Variants in HIP1 observed in about 807,000 individuals in gnomAD.
HIP1 encodes huntingtin interacting protein 1.
Under a neutral mutation model 147.6 loss-of-function variants are expected in HIP1, and 65 were observed. The ratio of observed to expected loss-of-function variants is 0.44; its 90% CI spans 0.36 to 0.54. HIP1 has a LOEUF of 0.54. HIP1 is among the 20% of genes least tolerant of loss of function. The probability of loss-of-function intolerance (pLI) is 0.00; values close to 1 mark genes in which losing one functional copy is unlikely to be tolerated. For missense variants in HIP1, 1,061 were observed against 1,299.6 expected (o/e 0.82, Z 2.82); for synonymous variants, 479 against 504.0 (o/e 0.95, Z 0.67).
At chr7:75,684,816 G>C (rs1449786471) in intron 1 of HIP1, among the ~76,000 whole-genome samples, 1 of 152,156 alleles carries the variant, frequency 6.6e-6, no homozygotes, top group Non-Finnish European at 1.5e-5. Context: ...TTTTGGCCAG[G>C]CATGGTGGCT....
At position 75,690,863 on chromosome 7, in the gene HIP1, C is replaced by CA. The variant is rs797038591; in HGVS notation, c.120+47937dup. On this transcript the variant is annotated intron_variant, in intron 1 of 30. Coordinates refer to ENST00000336926, the MANE Select transcript of HIP1 (RefSeq NM_005338.7). ...GGGCGACAAGAGTGAAACTCCATCT[C>CA]AAAAAAAAAAGTTAAACGTAGAATT... Among the ~76,000 whole-genome samples the CA allele has an allele frequency of 8.1e-3, 1,200 of 148,406 alleles. 17 individuals carry two copies. The highest frequency in any genetic ancestry group is 0.028 in the African/African-American group (1,132 of 40,494).
intron 1 of HIP1, among the ~76,000 whole-genome samples, chr7:75,606,356 G>A (rs1337616486): frequency 6.6e-6 from 1 of 152,126 alleles, no homozygotes; most frequent in African/African-American, 2.4e-5. Context: ...GAGGGGGGCA[G>A]ATCACCTGAG....
At chr7:75,634,634 C>T (rs895259562) in intron 1 of HIP1, among the ~76,000 whole-genome samples, 12 of 152,054 alleles carry the variant, frequency 7.9e-5, no homozygotes, top group African/African-American at 2.4e-4. Flanking sequence ...TGTGAAAATG[C>T]TTTTATATAG....
At chr7:75,679,283 C>A (rs946768271) in intron 1 of HIP1, among the ~76,000 whole-genome samples, 16 of 152,218 alleles carry the variant, frequency 1.1e-4, no homozygotes, top group Admixed American at 9.2e-4. Context: ...CAGCTCACTG[C>A]AGCCTTGACC....
At chr7:75,574,509 A>T (rs1795767396) in intron 7 of HIP1, among the ~76,000 whole-genome samples, 1 of 151,664 alleles carries the variant, frequency 6.6e-6, no homozygotes, top group South Asian at 2.1e-4. Context: ...GAATCACTTG[A>T]ACCCAGGAGG....
chr7:75,551,034 A>T (rs1794762939), intron 22 of HIP1, among the ~76,000 whole-genome samples: 1 of 152,174 alleles, frequency 6.6e-6, no homozygotes, highest in African/African-American at 2.4e-5. Flanking sequence ...ATGAGAGAGC[A>T]GTGAAAATGA....
rs1794004494 is a variant in HIP1, at chr7:75,534,383, T to C, written c.*3789A>G. On this transcript the variant is annotated 3_prime_UTR_variant, in exon 31 of 31. Coordinates refer to ENST00000336926, the MANE Select transcript of HIP1 (RefSeq NM_005338.7). ...GTCTCATTTAAACTCCTTGCTCAGA[T>C]ATAAAATAACCCTGCCAAGATGGCT... The C allele has an allele frequency of 4.9e-6, 1 of 203,540 alleles. No individual in the cohort carries two copies. Among genetic ancestry groups the C allele is most frequent in the East Asian group, 7.5e-5 (1 of 13,394 alleles). 12.6% of individuals were successfully genotyped at this position (203,540 alleles called of 1,614,324 possible). A position where few individuals can be genotyped will look rare whatever the true frequency, so the allele number is the denominator to read the frequency against.
At chr7:75,604,112 C>T (rs1406381466) in intron 1 of HIP1, among the ~76,000 whole-genome samples, 7 of 152,062 alleles carry the variant, frequency 4.6e-5, no homozygotes, top group African/African-American at 7.2e-5. Flanking sequence ...GCACCATAGG[C>T]CAGGGGCACC....
At chr7:75,617,783 G>A (rs1554506377) in intron 1 of HIP1, among the ~76,000 whole-genome samples, 2 of 152,178 alleles carry the variant, frequency 1.3e-5, no homozygotes, top group African/African-American at 2.4e-5. Context: ...TGCTCCTGTC[G>A]TCATGGAGGA....
intron 2 of HIP1, among the ~76,000 whole-genome samples, chr7:75,597,982 A>G (rs1168368371): frequency 6.6e-6 from 1 of 151,980 alleles, no homozygotes; most frequent in Non-Finnish European, 1.5e-5. Context: ...TGGTGGGCTT[A>G]CAGAGGGCTT....
rs71098061 is a variant in HIP1, at chr7:75,678,360, T to TTTTTC, written c.120+60440_120+60441insGAAAA. 1.1e-4 allele frequency among the ~76,000 whole-genome samples: 14 copies of TTTTTC among 127,594 alleles called. 1 individual carries two copies. Among genetic ancestry groups the TTTTTC allele is most frequent in the Non-Finnish European group, 1.6e-4 (10 of 62,314 alleles). The allele number at this position is 127,594 out of a possible 152,430, so 83.7% of individuals were successfully genotyped here. A position where few individuals can be genotyped will look rare whatever the true frequency, so the allele number is the denominator to read the frequency against. On this transcript the variant is annotated intron_variant, in intron 1 of 30. Coordinates refer to ENST00000336926, the MANE Select transcript of HIP1 (RefSeq NM_005338.7). ...TTATTCTTTTTTTTTTTTTTTTTTTTTGAGACAGCATCTCACTCTGTCACC... is the reference window on the plus strand; with the variant it reads ...TTATTCTTTTTTTTTTTTTTTTTTTTTTTTCTGAGACAGCATCTCACTCTGTCACC...
intron 2 of HIP1, among the ~76,000 whole-genome samples, chr7:75,594,926 C>A (rs587594636): frequency 1.1e-4 from 17 of 152,320 alleles, no homozygotes; most frequent in African/African-American, 3.1e-4. Flanking sequence ...TAACTGGGCA[C>A]TGTCAGTTGT....
At chr7:75,556,962 G>A (rs1424298630) in intron 16 of HIP1, 151 bp from the exon 17 acceptor site, 8 of 527,632 alleles carry the variant, frequency 1.5e-5, no homozygotes, top group Non-Finnish European at 2.4e-5. Context: ...GGTGTGGGAG[G>A]AGGAGGCAAG....
intron 18 of HIP1, 48 bp downstream of exon 18, chr7:75,555,978 T>C (rs1433151187): frequency 1.2e-6 from 2 of 1,605,466 alleles, no homozygotes; most frequent in African/African-American, 2.7e-5. Flanking sequence ...GCAGAGGCCC[T>C]CGGTGGGAAT....
intron 1 of HIP1, among the ~76,000 whole-genome samples, chr7:75,642,163 C>G (rs1798671306): frequency 6.6e-6 from 1 of 152,130 alleles, no homozygotes; most frequent in African/African-American, 2.4e-5. Context: ...CTTTGGGAGG[C>G]TGAGGTGGGA....
rs1554494172 is a variant in HIP1 at position 75,559,774 on chromosome 7, C to G, written c.1333G>C (p.Glu445Gln). Reference sequence around the variant, plus strand: ...CTCCGCTGAGCCTTCTCGGTGTCCTCCCGCTGCCTCCTGAGCTCGTCCAGT... The same window carrying G: ...CTCCGCTGAGCCTTCTCGGTGTCCTGCCGCTGCCTCCTGAGCTCGTCCAGT... The part of the protein sequence containing the change: ...AELDELRRQR[E>Q]DTEKAQRSLS... The change falls in exon 14 of 31, where the codon GAG (glutamate) becomes CAG (glutamine). Residue 445 changes from glutamate (E) to glutamine (Q), a missense_variant. Coordinates refer to ENST00000336926, the MANE Select transcript of HIP1 (RefSeq NM_005338.7). 1 of 1,601,926 alleles carries G rather than the reference C, an allele frequency of 6.2e-7. No individual in the cohort carries two copies. Among genetic ancestry groups the G allele is most frequent in the Non-Finnish European group, 8.5e-7 (1 of 1,175,294 alleles).
intron 1 of HIP1, among the ~76,000 whole-genome samples, chr7:75,673,692 T>A (rs1003021493): frequency 1.3e-5 from 2 of 151,868 alleles, no homozygotes; most frequent in African/African-American, 4.8e-5. Context: ...AATTTTTAAA[T>A]ATTAATATTG....
At chr7:75,542,795 A>G in intron 28 of HIP1, 56 bp downstream of exon 28, 1 of 1,571,584 alleles carries the variant, frequency 6.4e-7, no homozygotes, top group South Asian at 1.1e-5. Context: ...ACAGGGAAGG[A>G]TGCAGAGAAG....
chr7:75,584,509 G>C (rs1389226827), intron 5 of HIP1, among the ~76,000 whole-genome samples: 1 of 152,080 alleles, frequency 6.6e-6, no homozygotes, highest in Non-Finnish European at 1.5e-5. Flanking sequence ...CAGTGAGCTC[G>C]AGAGCCTCTG....
Sources: gnomAD v4.1 joint callset for allele counts (sites outside exome capture counted in the v4.1 genomes callset) on GRCh38, gnomAD v4.1.1 for gene constraint, MANE v1.5 for transcripts, NCBI Gene and HGNC (gene_info 2026-07-23, HGNC 2026-07-21) for gene names.